PIP4K2B: variants seen among roughly 807,000 people sequenced by gnomAD.
The protein encoded by PIP4K2B is phosphatidylinositol 5-phosphate 4-kinase type-2 beta.
A neutral mutation model predicts 42.0 loss-of-function variants in PIP4K2B; 3 were observed. That is an observed-to-expected ratio of 0.07 (90% CI 0.03 to 0.18). The LOEUF is 0.18. Ranked by LOEUF, PIP4K2B falls within the 10% of genes least tolerant of loss-of-function variation. PIP4K2B has a pLI of 1.00. For missense variants in PIP4K2B, 332 were observed against 562.3 expected (o/e 0.59, Z 4.14); for synonymous variants, 204 against 210.1 (o/e 0.97, Z 0.25).
chr17:38,770,921 G>A (rs1908988510), intron 8 of PIP4K2B, 93 bp downstream of exon 8: 1 of 1,389,130 alleles, frequency 7.2e-7, no homozygotes, highest in Admixed American at 1.9e-5. Flanking sequence ...GAATGAGGTG[G>A]AGGTCCAGAT....
At chr17:38,798,741 G>C in intron 1 of PIP4K2B, among the ~76,000 whole-genome samples, 1 of 152,176 alleles carries the variant, frequency 6.6e-6, no homozygotes, top group East Asian at 1.9e-4. Flanking sequence ...GAAAAAAAAG[G>C]AAACCCAGGG....
chr17:38,799,279 C>T lies in PIP4K2B; in HGVS notation c.146G>A (p.Gly49Glu). The change falls in exon 1 of 10, where the codon GGG becomes GAG. Residue 49 changes from glycine (G) to glutamate (E), a missense_variant. Physicochemically the swap from Gly to Glu is moderately conservative, Grantham distance 98. Transcript: ENST00000619039. This position sits in a 1 kb window ranked among gnomAD's most constrained non-coding sequence, Gnocchi z 4.4. ...GGAGCTGGTTACCGTGTGGTTCACCCCCCACATCAGGACGCTGAGGATCGG... is the reference window on the plus strand; with the variant it reads ...GGAGCTGGTTACCGTGTGGTTCACCTCCCACATCAGGACGCTGAGGATCGG... ...SEPILSVLMW[G>E]VNHTINELSN... 6.2e-7 allele frequency: 1 copy of T among 1,603,352 alleles called. No homozygotes were observed.
At chr17:38,782,948 G>A (rs576174287) in intron 3 of PIP4K2B, among the ~76,000 whole-genome samples, 1 of 152,062 alleles carries the variant, frequency 6.6e-6, no homozygotes, top group Non-Finnish European at 1.5e-5. Context: ...AGCACTTTGG[G>A]AGGCCGAGGC....
At chr17:38,775,680 A>AC (rs1209833003) in intron 7 of PIP4K2B, among the ~76,000 whole-genome samples, 1 of 151,826 alleles carries the variant, frequency 6.6e-6, no homozygotes, top group East Asian at 2.0e-4. Context: ...ACATGGTGAA[A>AC]CCCCGTCTCC....
At chr17:38,776,318 G>A (rs1909340878) in intron 7 of PIP4K2B, among the ~76,000 whole-genome samples, 1 of 152,162 alleles carries the variant, frequency 6.6e-6, no homozygotes, top group South Asian at 2.1e-4. Context: ...CTTCATAGGG[G>A]CAGAAAATTG....
intron 7 of PIP4K2B, among the ~76,000 whole-genome samples, chr17:38,775,254 T>G (rs1445967189): frequency 6.6e-6 from 1 of 151,908 alleles, no homozygotes; most frequent in Non-Finnish European, 1.5e-5. Flanking sequence ...CGCCTAGCTT[T>G]TGTTTTGTTT....
chr17:38,788,338 C>G (rs1910154896), intron 1 of PIP4K2B, among the ~76,000 whole-genome samples: 2 of 151,902 alleles, frequency 1.3e-5, no homozygotes, highest in Admixed American at 1.3e-4. Context: ...GTAGCTGGGA[C>G]TACAGGTGCC....
intron 8 of PIP4K2B, 150 bp from the exon 9 acceptor site, chr17:38,770,689 C>T (rs1024068455): frequency 1.1e-5 from 7 of 650,156 alleles, no homozygotes; most frequent in Admixed American, 8.2e-5. Flanking sequence ...TCCTTTCCAG[C>T]TGTCATAGCT....
intron 1 of PIP4K2B, among the ~76,000 whole-genome samples, chr17:38,793,330 G>T (rs1434160070): frequency 1.3e-5 from 2 of 149,986 alleles, no homozygotes; most frequent in Non-Finnish European, 2.9e-5. Context: ...TGCAACCGCC[G>T]TCTCCCAGGT....
chr17:38,796,113 G>A (rs1344128357), intron 1 of PIP4K2B, among the ~76,000 whole-genome samples: 2 of 152,172 alleles, frequency 1.3e-5, no homozygotes, highest in Non-Finnish European at 2.9e-5. Context: ...ACTCCAGCCT[G>A]GGTGACGGAG....
rs747411714 is a variant in PIP4K2B at position 38,780,448 on chromosome 17, A to G, written c.507+4T>C. On this transcript the variant is annotated splice_donor_region_variant and intron_variant, in intron 4 of 9. Coordinates refer to ENST00000619039, the MANE Select transcript of PIP4K2B (RefSeq NM_003559.5). The stretch of plus-strand genomic sequence containing the variant: ...CTGCAGCCCAGGCTTGGGACTCACC[A>G]TACCTGGTGGTATTTCTTTAAGATG... 1.4e-5 allele frequency: 22 copies of G among 1,608,766 alleles called. No homozygotes were observed. In the South Asian group the frequency reaches 2.4e-4, roughly 18 times the overall value.
chr17:38,785,829 G>T (rs560453940), intron 2 of PIP4K2B, among the ~76,000 whole-genome samples: 5 of 152,298 alleles, frequency 3.3e-5, no homozygotes, highest in Admixed American at 2.0e-4. Context: ...GACCCTGAAG[G>T]GGGTAGTGGT....
intron 1 of PIP4K2B, among the ~76,000 whole-genome samples, chr17:38,788,264 G>A (rs538159690): frequency 1.9e-4 from 29 of 151,692 alleles, no homozygotes; most frequent in South Asian, 1.2e-3. Flanking sequence ...ACAGTGGTGC[G>A]ATCTCAGCTC....
At chr17:38,783,640 G>A (rs1297780553) in intron 3 of PIP4K2B, among the ~76,000 whole-genome samples, 1 of 150,116 alleles carries the variant, frequency 6.7e-6, no homozygotes, top group Non-Finnish European at 1.5e-5. Flanking sequence ...CACTCTTGTC[G>A]CCCAGGCTGG....
chr17:38,777,655 C>G (rs1296792978), intron 7 of PIP4K2B, 32 bp downstream of exon 7: 2 of 1,381,216 alleles, frequency 1.4e-6, no homozygotes, highest in Non-Finnish European at 2.1e-6. Flanking sequence ...ACAGAAGGAG[C>G]CTTGCAGGTG....
chr17:38,778,195 T>C (rs1909474672), intron 6 of PIP4K2B, 139 bp downstream of exon 6: 3 of 812,776 alleles, frequency 3.7e-6, no homozygotes, highest in Non-Finnish European at 4.3e-6. Flanking sequence ...AGGTGATTCA[T>C]GACACACGGC....
intron 1 of PIP4K2B, among the ~76,000 whole-genome samples, chr17:38,791,073 GA>G (rs201609458): frequency 0.017 from 2,623 of 151,718 alleles, 68 homozygotes; most frequent in African/African-American, 0.059. Flanking sequence ...TCAGGGAGAT[GA>G]AAAAAAACCC....
intron 2 of PIP4K2B, 46 bp from the exon 3 acceptor site, chr17:38,784,385 T>A: frequency 1.0e-6 from 1 of 997,548 alleles, no homozygotes; most frequent in South Asian, 1.4e-5. Flanking sequence ...CCCTTGCTCA[T>A]CTTAATTCTA....
chr17:38,778,302 G>A lies in PIP4K2B; in HGVS notation c.693+32C>T, dbSNP rs369048327. The A allele has an allele frequency of 2.9e-4, 469 of 1,610,006 alleles. 1 individual carries two copies. The highest frequency in any genetic ancestry group is 3.4e-4 in the Non-Finnish European group (401 of 1,176,224). ...ACAGGAGTTGTTTCTGACTCCAAGCGACCCTTCCATTCCTGCTCAGCACCA... is the reference window on the plus strand; with the variant it reads ...ACAGGAGTTGTTTCTGACTCCAAGCAACCCTTCCATTCCTGCTCAGCACCA... On this transcript the variant is annotated intron_variant, in intron 6 of 9. Transcript: ENST00000619039.
Sources: gnomAD v4.1 joint callset for allele counts (sites outside exome capture counted in the v4.1 genomes callset) on GRCh38, gnomAD v4.1.1 for gene constraint, Gnocchi (gnomAD v3.1) non-coding constraint, MANE v1.5 for transcripts, NCBI Gene and HGNC (gene_info 2026-07-23, HGNC 2026-07-21) for gene names.